Variants in FOXP4 observed in about 807,000 individuals in gnomAD.
FOXP4 encodes the protein forkhead box P4, also known as forkhead box protein P4.
A neutral mutation model predicts 82.6 loss-of-function variants in FOXP4; 25 were observed. The ratio of observed to expected loss-of-function variants is 0.30; its 90% CI spans 0.22 to 0.42. The LOEUF (loss-of-function observed/expected upper bound fraction) is 0.42. Among genes scored for constraint, FOXP4 ranks in the 10% least tolerant of loss-of-function variants. The pLI is 1.00. For missense variants in FOXP4, 785 were observed against 900.9 expected (o/e 0.87, Z 1.65); for synonymous variants, 415 against 388.2 (o/e 1.07, Z -0.81).
At chr6:41,562,229 G>A (rs143641282) in intron 1 of FOXP4, among the ~76,000 whole-genome samples, 185 of 152,306 alleles carry the variant, frequency 1.2e-3, no homozygotes, top group Non-Finnish European at 2.1e-3. Context: ...GGGGTATGTT[G>A]TTAGGTGGGC....
At chr6:41,561,012 C>T (rs1210677929) in intron 1 of FOXP4, among the ~76,000 whole-genome samples, 4 of 152,216 alleles carry the variant, frequency 2.6e-5, no homozygotes, top group Non-Finnish European at 4.4e-5. Flanking sequence ...CGGTCTCCGG[C>T]GAGTTCCAAG....
chr6:41,579,956 G>C (rs1457559665), intron 3 of FOXP4, among the ~76,000 whole-genome samples: 1 of 152,060 alleles, frequency 6.6e-6, no homozygotes, highest in Non-Finnish European at 1.5e-5. Context: ...GGAAACTGAG[G>C]CCCAGAGAGG....
At position 41,587,159 on chromosome 6, in the gene FOXP4, G is replaced by A; in HGVS notation, c.658+3G>A. 6.3e-7 allele frequency: 1 copy of A among 1,588,560 alleles called. No individual in the cohort carries two copies. Among genetic ancestry groups the A allele is most frequent in the East Asian group, 2.2e-5 (1 of 44,580 alleles). On this transcript the variant is annotated splice_donor_region_variant and intron_variant, in intron 6 of 16. Transcript: ENST00000307972. Reference sequence around the variant, plus strand: ...GCCCCTCCAGACCCTTCCGCAAGGTGAGCACCCGCCACTCCTCCCCTCCCA... The same window carrying A: ...GCCCCTCCAGACCCTTCCGCAAGGTAAGCACCCGCCACTCCTCCCCTCCCA...
At chr6:41,598,653 T>A (rs955928903) in intron 16 of FOXP4, 136 bp from the exon 17 acceptor site, 6 of 1,281,096 alleles carry the variant, frequency 4.7e-6, no homozygotes, top group Non-Finnish European at 6.5e-6. Context: ...AGATCAGCCC[T>A]CAGGTCTGAT....
chr6:41,587,591 G>A, intron 7 of FOXP4, 79 bp downstream of exon 7: 1 of 1,228,650 alleles, frequency 8.1e-7, no homozygotes, highest in Non-Finnish European at 1.1e-6. Context: ...AGGGCTGACT[G>A]TGAGGGAGGG....
chr6:41,598,729 C>T (rs2127411495), intron 16 of FOXP4, 60 bp from the exon 17 acceptor site: 1 of 1,546,996 alleles, frequency 6.5e-7, no homozygotes, highest in Non-Finnish European at 8.7e-7. Flanking sequence ...GTTTGGGGGG[C>T]AGGGGGCAGA....
At chr6:41,569,496 T>C (rs924790587) in intron 2 of FOXP4, among the ~76,000 whole-genome samples, 3 of 152,222 alleles carry the variant, frequency 2.0e-5, no homozygotes, top group Non-Finnish European at 4.4e-5. Flanking sequence ...GGGGATTTTC[T>C]CAGGGACCCC....
At chr6:41,561,206 C>T (rs2127337831) in intron 1 of FOXP4, among the ~76,000 whole-genome samples, 1 of 152,336 alleles carries the variant, frequency 6.6e-6, no homozygotes. Context: ...TCCGAGGTGC[C>T]CTGGCTCCCC....
intron 12 of FOXP4, among the ~76,000 whole-genome samples, chr6:41,590,601 T>C (rs1181051203): frequency 6.6e-6 from 1 of 152,172 alleles, no homozygotes; most frequent in Non-Finnish European, 1.5e-5. Flanking sequence ...GTGGCATTCA[T>C]GTGCTCATTT....
At chr6:41,563,746 G>C (rs1214865280) in intron 1 of FOXP4, among the ~76,000 whole-genome samples, 1 of 152,206 alleles carries the variant, frequency 6.6e-6, no homozygotes. Context: ...AAAAGACTTG[G>C]AGGCTGGGAT....
chr6:41,572,404 C>T (rs1562024152), intron 2 of FOXP4, among the ~76,000 whole-genome samples: 1 of 152,164 alleles, frequency 6.6e-6, no homozygotes, highest in Admixed American at 6.5e-5. Context: ...AGAACGTGAG[C>T]CCCGTTAAAG....
chr6:41,546,902 G>C (rs2127292630), intron 1 of FOXP4, 35 bp downstream of exon 1: 1 of 150,904 alleles, frequency 6.6e-6, no homozygotes, highest in East Asian at 2.0e-4. Context: ...ACGTGGGTGG[G>C]GGCTGGGCGG....
chr6:41,580,098 A>G (rs1175006251), intron 3 of FOXP4, among the ~76,000 whole-genome samples: 4 of 149,324 alleles, frequency 2.7e-5, no homozygotes, highest in East Asian at 2.0e-4. Flanking sequence ...CTGGAGTGCA[A>G]TGCCGTGATT....
intron 1 of FOXP4, among the ~76,000 whole-genome samples, chr6:41,561,301 A>C (rs759338451): frequency 1.5e-4 from 22 of 147,968 alleles, no homozygotes; most frequent in Non-Finnish European, 2.8e-4. Flanking sequence ...CTGCCAAAAT[A>C]ACTCGGCCTC....
At chr6:41,555,643 C>T (rs536162569) in intron 1 of FOXP4, among the ~76,000 whole-genome samples, 1 of 152,378 alleles carries the variant, frequency 6.6e-6, no homozygotes, top group East Asian at 1.9e-4. Context: ...CAGCAGGCCC[C>T]CCACATAAGA....
At chr6:41,580,088 C>T (rs1010363740) in intron 3 of FOXP4, among the ~76,000 whole-genome samples, 3 of 144,636 alleles carry the variant, frequency 2.1e-5, no homozygotes, top group African/African-American at 7.8e-5. Flanking sequence ...GTTGCCCAGG[C>T]TGGAGTGCAA....
At position 41,601,955 on chromosome 6, in the gene FOXP4, C is replaced by T. The variant is rs995034498; in HGVS notation, c.*3019C>T. 2 of 152,230 alleles carry T rather than the reference C, an allele frequency of 1.3e-5. No individual in the cohort carries two copies. The highest frequency in any genetic ancestry group is 4.8e-5 in the African/African-American group (2 of 41,438). 9.4% of individuals were successfully genotyped at this position (152,230 alleles called of 1,614,324 possible). A position where few individuals can be genotyped will look rare whatever the true frequency, so the allele number is the denominator to read the frequency against. Reference sequence around the variant, plus strand: ...CCCACAAATCACCAAACTGCTGGAACTCTCCAGCCAAATGCTGGGAGAAGG... The same window carrying T: ...CCCACAAATCACCAAACTGCTGGAATTCTCCAGCCAAATGCTGGGAGAAGG... On this transcript the variant is annotated 3_prime_UTR_variant, in exon 17 of 17. Transcript: ENST00000307972.
At chr6:41,553,339 C>T (rs546863377) in intron 1 of FOXP4, among the ~76,000 whole-genome samples, 6 of 151,484 alleles carry the variant, frequency 4.0e-5, no homozygotes, top group African/African-American at 4.8e-5. Context: ...GAGAGCTCCG[C>T]GAGGTGAGGC....
At chr6:41,598,657 G>A in intron 16 of FOXP4, 132 bp from the exon 17 acceptor site, 2 of 1,338,180 alleles carry the variant, frequency 1.5e-6, no homozygotes, top group South Asian at 2.8e-5. Flanking sequence ...CAGCCCTCAG[G>A]TCTGATGGGA....
Sources: gnomAD v4.1 joint callset for allele counts (sites outside exome capture counted in the v4.1 genomes callset) on GRCh38, gnomAD v4.1.1 for gene constraint, MANE v1.5 for transcripts, NCBI Gene and HGNC (gene_info 2026-07-23, HGNC 2026-07-21) for gene names.